Variants in CMYA5 observed in about 807,000 individuals in gnomAD.
The protein encoded by CMYA5 is cardiomyopathy-associated protein 5.
A neutral mutation model predicts 318.9 loss-of-function variants in CMYA5; 246 were observed. The ratio of observed to expected loss-of-function variants is 0.77; its 90% CI spans 0.70 to 0.86. The LOEUF (loss-of-function observed/expected upper bound fraction) is 0.86. Ranked by LOEUF, CMYA5 falls within the 40% of genes least tolerant of loss-of-function variation. The pLI is 0.00. For missense variants in CMYA5, 4,589 were observed against 4,678.2 expected, an observed-to-expected ratio of 0.98 and a Z score of 0.56; for synonymous variants, 1,641 against 1,729.5, an observed-to-expected ratio of 0.95 and a Z score of 1.27.
rs764588468 is a variant in CMYA5 at position 79,730,027 on chromosome 5, A to T, written c.1262A>T (p.Glu421Val). 1.9e-6 allele frequency: 3 copies of T among 1,613,886 alleles called. No individual in the cohort carries two copies. The South Asian group carries it at 3.3e-5, about 18-fold the overall frequency. Residue 421 changes from glutamate to valine, a missense_variant, in exon 2 of 13, where the codon GAG (glutamate) becomes GTG (valine). Transcript: ENST00000446378. ...TCAGTCTCACCATCATTTGCTAATG[A>T]GGTAAAGAAGGAAGATGTGTATTCT... Reference protein sequence around the residue: ...DSSVSPSFANEVKKEDVYSAH... With the variant: ...DSSVSPSFANVVKKEDVYSAH...
chr5:79,763,390 T>C (rs1426110538), intron 9 of CMYA5, 181 bp downstream of exon 9: 3 of 566,526 alleles, frequency 5.3e-6, no homozygotes, highest in Non-Finnish European at 9.3e-6. Flanking sequence ...TCCAAGTTTG[T>C]AATAAAACAC....
intron 9 of CMYA5, among the ~76,000 whole-genome samples, chr5:79,786,301 T>C (rs1308347140): frequency 3.3e-5 from 5 of 152,244 alleles, no homozygotes; most frequent in African/African-American, 1.2e-4. Flanking sequence ...AAGCCATCTC[T>C]TTCCATTGCA....
At chr5:79,728,084 A>G (rs1405200182) in intron 1 of CMYA5, among the ~76,000 whole-genome samples, 1 of 152,220 alleles carries the variant, frequency 6.6e-6, no homozygotes, top group African/African-American at 2.4e-5. Flanking sequence ...GATAGGTTCT[A>G]TTATTATCCC....
intron 5 of CMYA5, among the ~76,000 whole-genome samples, chr5:79,747,672 C>G (rs1311312074): frequency 6.6e-6 from 1 of 152,160 alleles, no homozygotes; most frequent in Non-Finnish European, 1.5e-5. Context: ...AAACACTCAA[C>G]AAGAAAACAT....
At chr5:79,727,821 A>G (rs1202723063) in intron 1 of CMYA5, among the ~76,000 whole-genome samples, 2 of 152,194 alleles carry the variant, frequency 1.3e-5, no homozygotes, top group African/African-American at 4.8e-5. Context: ...TGGGGGCCCA[A>G]TAGCAAATGA....
At chr5:79,748,569 G>T (rs1011755655) in intron 5 of CMYA5, among the ~76,000 whole-genome samples, 1 of 150,742 alleles carries the variant, frequency 6.6e-6, no homozygotes, top group East Asian at 1.9e-4. Context: ...TTGAGCCAGG[G>T]TCTCACTCTG....
intron 7 of CMYA5, among the ~76,000 whole-genome samples, 154 bp downstream of exon 7, chr5:79,759,056 A>C (rs978214758): frequency 6.6e-6 from 1 of 152,230 alleles, no homozygotes; most frequent in African/African-American, 2.4e-5. Flanking sequence ...ATAATGAAAT[A>C]ATAACTACAG....
rs114435424 is a variant in CMYA5, at chr5:79,795,068, C to T, written c.11963+1458C>T. The stretch of plus-strand genomic sequence containing the variant: ...AAAGCCCACACCAAGGGCTAACCTC[C>T]AATAACAAATTCCTAGGCTCTAGAA... On this transcript the variant is annotated intron_variant, in intron 12 of 12. Coordinates refer to ENST00000446378, the MANE Select transcript of CMYA5 (RefSeq NM_153610.5). 1.8e-3 allele frequency among the ~76,000 whole-genome samples: 272 copies of T among 152,276 alleles called. 3 individuals are homozygous for T. Among genetic ancestry groups the T allele is most frequent in the African/African-American group, 6.3e-3 (260 of 41,556 alleles).
chr5:79,761,506 A>G (rs1024132815), intron 7 of CMYA5, among the ~76,000 whole-genome samples: 68 of 152,346 alleles, frequency 4.5e-4, no homozygotes, highest in Middle Eastern at 3.4e-3. Flanking sequence ...TACATTATGT[A>G]ATTTTAATAT....
Position 79,729,620 on chromosome 5 carries a change from C to G in CMYA5, c.855C>G (p.Arg285=), listed in dbSNP as rs773396889. The G allele has an allele frequency of 8.1e-6, 13 of 1,613,666 alleles. No homozygotes were observed. Among genetic ancestry groups the G allele is most frequent in the Non-Finnish European group, 1.1e-5 (13 of 1,179,804 alleles). ...GTTCTAATACAGTGTCCAAAACACGCAAATTAGTAGCCCAAAGCATAGAGG... is the reference window on the plus strand; with the variant it reads ...GTTCTAATACAGTGTCCAAAACACGGAAATTAGTAGCCCAAAGCATAGAGG... ...NSGSNTVSKT[R]KLVAQSIEDK... is the part of the protein sequence containing the mutation. The change falls in exon 2 of 13, where the codon CGC becomes CGG. Residue 285 remains arginine (R), a synonymous_variant. Coordinates refer to ENST00000446378, the MANE Select transcript of CMYA5 (RefSeq NM_153610.5).
intron 9 of CMYA5, among the ~76,000 whole-genome samples, chr5:79,777,691 T>C (rs259118): frequency 0.49 from 74,349 of 151,584 alleles, 20,464 homozygotes; most frequent in East Asian, 0.81. Flanking sequence ...AGGAGAATTG[T>C]TTGAACTCAG....
At chr5:79,778,949 C>T (rs1829001738) in intron 9 of CMYA5, among the ~76,000 whole-genome samples, 2 of 113,568 alleles carry the variant, frequency 1.8e-5, no homozygotes, top group Non-Finnish European at 3.4e-5. Flanking sequence ...TTTTAGGGTA[C>T]ATGTGCACAT....
intron 9 of CMYA5, among the ~76,000 whole-genome samples, chr5:79,763,834 A>G (rs1378316488): frequency 7.2e-5 from 11 of 151,910 alleles, no homozygotes; most frequent in African/African-American, 2.4e-4. Context: ...TTAGCCTCCC[A>G]CCTCCTTGCT....
At chr5:79,692,174 T>G (rs1359204986) in intron 1 of CMYA5, among the ~76,000 whole-genome samples, 1 of 152,002 alleles carries the variant, frequency 6.6e-6, no homozygotes, top group Non-Finnish European at 1.5e-5. Context: ...GGGGGTGTAG[T>G]GTAGTGAGGC....
At chr5:79,748,592 G>A (rs1347701743) in intron 5 of CMYA5, among the ~76,000 whole-genome samples, 1 of 151,858 alleles carries the variant, frequency 6.6e-6, no homozygotes. Context: ...ACCCAGGCTG[G>A]AGTGCAGTGG....
intron 9 of CMYA5, among the ~76,000 whole-genome samples, chr5:79,776,622 G>T (rs1013846733): frequency 3.9e-5 from 6 of 152,082 alleles, no homozygotes; most frequent in Non-Finnish European, 7.3e-5. Flanking sequence ...CGATTCAGAA[G>T]ATCTAATATG....
intron 1 of CMYA5, among the ~76,000 whole-genome samples, chr5:79,713,025 A>G (rs1827428193): frequency 6.6e-6 from 1 of 151,990 alleles, no homozygotes; most frequent in Non-Finnish European, 1.5e-5. Flanking sequence ...AGCCTATTTA[A>G]CTCCTTTGCT....
intron 1 of CMYA5, among the ~76,000 whole-genome samples, chr5:79,705,458 A>G (rs1040068900): frequency 6.6e-6 from 1 of 151,786 alleles, no homozygotes; most frequent in Non-Finnish European, 1.5e-5. Context: ...TTGGACATCA[A>G]TAATAACCCT....
At chr5:79,789,180 G>T in intron 10 of CMYA5, 76 bp downstream of exon 10, 1 of 1,530,392 alleles carries the variant, frequency 6.5e-7, no homozygotes, top group Non-Finnish European at 8.9e-7. Context: ...AGATGTCCTA[G>T]AGGGCAACTT....
Sources: allele counts gnomAD v4.1 joint callset (sites outside exome capture counted in the v4.1 genomes callset), GRCh38; gene constraint gnomAD v4.1.1; transcripts MANE v1.5; gene names NCBI Gene and HGNC (gene_info 2026-07-23, HGNC 2026-07-21).